Variants in NSF observed in about 807,000 individuals in gnomAD.
The protein encoded by NSF is N-ethylmaleimide sensitive factor, vesicle fusing ATPase.
Under a neutral mutation model 50.3 loss-of-function variants are expected in NSF, and 14 were observed. The ratio of observed to expected loss-of-function variants is 0.28; its 90% CI spans 0.18 to 0.44. The LOEUF (loss-of-function observed/expected upper bound fraction) is 0.44. NSF is among the 20% of genes least tolerant of loss of function. The pLI is 1.00. For missense variants in NSF, 218 were observed against 504.3 expected (o/e 0.43, Z 5.44); for synonymous variants, 109 against 175.7 (o/e 0.62, Z 3.00).
At chr17:46,681,587 C>T (rs1378251419) in intron 9 of NSF, among the ~76,000 whole-genome samples, 2 of 150,604 alleles carry the variant, frequency 1.3e-5, no homozygotes, top group Non-Finnish European at 2.9e-5. Context: ...GTAAGCTGTA[C>T]TGAATTAATC....
intron 1 of NSF, among the ~76,000 whole-genome samples, chr17:46,593,032 ACT>A (rs2057855739): frequency 2.1e-5 from 2 of 93,404 alleles, no homozygotes; most frequent in African/African-American, 8.3e-5. Flanking sequence ...AGGGCCAAAG[ACT>A]CTGGTTTGGG....
chr17:46,729,592 C>T (rs2146297958), intron 17 of NSF, among the ~76,000 whole-genome samples: 1 of 152,210 alleles, frequency 6.6e-6, no homozygotes, highest in East Asian at 1.9e-4. Flanking sequence ...TTGGCTGTGT[C>T]ACAAGACATG....
intron 1 of NSF, among the ~76,000 whole-genome samples, chr17:46,621,377 C>T (rs1476209546): frequency 7.5e-6 from 1 of 133,650 alleles, no homozygotes; most frequent in East Asian, 2.2e-4. Context: ...AGCTCCGCCT[C>T]CCGGGCTCAC....
chr17:46,631,105 C>CACACACAT (rs1491185367), intron 4 of NSF, among the ~76,000 whole-genome samples: 2 of 145,424 alleles, frequency 1.4e-5, no homozygotes, highest in Non-Finnish European at 3.0e-5. Context: ...CACACACACA[C>CACACACAT]ATCTTTTATC....
rs1349316520 is a variant in NSF at position 46,757,193 on chromosome 17, ATCT to A, written c.*1375_*1377del. On this transcript the variant is annotated 3_prime_UTR_variant, in exon 21 of 21. Transcript: ENST00000398238. Reference sequence around the variant, plus strand: ...CTTTTGGTGGAGACTTGGATGTCATATCTTCTTTGTTTTGGGTTTTCTTCCCTA... The same window carrying A: ...CTTTTGGTGGAGACTTGGATGTCATATCTTTGTTTTGGGTTTTCTTCCCTA... 6.6e-5 allele frequency: 10 copies of A among 152,178 alleles called. No homozygotes were observed. Among genetic ancestry groups the A allele is most frequent in the African/African-American group, 2.2e-4 (9 of 41,438 alleles). 9.4% of individuals were successfully genotyped at this position (152,178 alleles called of 1,614,324 possible).
chr17:46,717,883 C>T (rs556192068), intron 15 of NSF, among the ~76,000 whole-genome samples: 116 of 152,236 alleles, frequency 7.6e-4, no homozygotes, highest in South Asian at 3.9e-3. Context: ...ACTGGAGCAG[C>T]GTTCAGACCA....
rs1185341728 is a variant in NSF at position 46,749,800 on chromosome 17, A to G, written c.1936A>G (p.Thr646Ala). 1 of 1,614,104 alleles carries G rather than the reference A, an allele frequency of 6.2e-7. No homozygotes were observed. Among genetic ancestry groups the G allele is most frequent in the Non-Finnish European group, 8.5e-7 (1 of 1,179,952 alleles). The part of the protein sequence containing the change: ...QGRKLLIIGT[T>A]SRKDVLQEME... ...CCGCAAGCTTCTTATCATTGGGACC[A>G]CTAGCCGCAAAGATGTCCTTCAGGA... Residue 646 changes from threonine to alanine, a missense_variant, in exon 18 of 21, where the codon ACT becomes GCT. By Grantham distance (58) the Thr-to-Ala change is moderately conservative (BLOSUM62 0). Around this residue, in one of 2 missense-constraint regions of NSF, gnomAD observed 209 missense variants for 320.9 expected, o/e 0.65. Coordinates refer to ENST00000398238, the MANE Select transcript of NSF (RefSeq NM_006178.4).
At chr17:46,707,223 A>G (rs1168947713) in intron 13 of NSF, among the ~76,000 whole-genome samples, 10 of 152,282 alleles carry the variant, frequency 6.6e-5, no homozygotes, top group Non-Finnish European at 1.0e-4. Context: ...CATTTTAGTT[A>G]TTAGAGAACT....
intron 1 of NSF, among the ~76,000 whole-genome samples, chr17:46,621,213 T>C (rs1032899063): frequency 3.3e-5 from 5 of 150,030 alleles, no homozygotes; most frequent in Admixed American, 2.6e-4. Flanking sequence ...TCTGACTTAA[T>C]TGCAGCAATA....
At chr17:46,742,190 C>G (rs1052579348) in intron 17 of NSF, among the ~76,000 whole-genome samples, 3 of 152,214 alleles carry the variant, frequency 2.0e-5, no homozygotes, top group African/African-American at 7.2e-5. Context: ...TGGCACGAAG[C>G]ATACATGCCG....
intron 17 of NSF, 38 bp from the exon 18 acceptor site, chr17:46,749,732 CTTA>C (rs1295382316): frequency 1.3e-6 from 2 of 1,567,366 alleles, no homozygotes; most frequent in Non-Finnish European, 1.7e-6. Flanking sequence ...CCTAATTAGT[CTTA>C]TTATGTACAT....
At chr17:46,745,772 A>G (rs1025240233) in intron 17 of NSF, among the ~76,000 whole-genome samples, 4 of 152,232 alleles carry the variant, frequency 2.6e-5, no homozygotes, top group Non-Finnish European at 4.4e-5. Flanking sequence ...CTTTAGGGCT[A>G]TGTTCCCAAG....
At chr17:46,722,256 T>A in intron 15 of NSF, 1 of 1,077,956 alleles carries the variant, frequency 9.3e-7, no homozygotes, top group Non-Finnish European at 1.4e-6. Flanking sequence ...TTCTTAAGAT[T>A]AATTTTGGGG....
chr17:46,691,313 G>A (rs868418923), intron 9 of NSF, among the ~76,000 whole-genome samples: 1 of 80,722 alleles, frequency 1.2e-5, no homozygotes. Flanking sequence ...ACAAAGATTA[G>A]GCTGGGCATG....
In NSF at chr17:46,719,844, G is replaced by A. The variant is rs760157663; in HGVS notation, c.1761+5858G>A. On this transcript the variant is annotated intron_variant, in intron 15 of 20. Transcript: ENST00000398238. The surrounding 1 kb of genome is among the most constrained non-coding windows in gnomAD (Gnocchi z 4.3). ...AGAGATGAAGTAGAACAATCAGATA[G>A]AACTAAATTGTTTGAACAAAATTAA... Among the ~76,000 whole-genome samples the A allele has an allele frequency of 2.0e-5, 3 of 152,132 alleles. No homozygotes were observed. Among genetic ancestry groups the A allele is most frequent in the Admixed American group, 6.6e-5 (1 of 15,264 alleles).
chr17:46,748,075 T>C (rs1358249906), intron 17 of NSF, among the ~76,000 whole-genome samples: 5 of 152,212 alleles, frequency 3.3e-5, no homozygotes, highest in Non-Finnish European at 7.3e-5. Flanking sequence ...CCTTCAAAAT[T>C]GTGAGAAAAA....
At chr17:46,749,636 T>G (rs1437362675) in intron 17 of NSF, 137 bp from the exon 18 acceptor site, 5 of 752,104 alleles carry the variant, frequency 6.6e-6, no homozygotes, top group Non-Finnish European at 8.0e-6. Context: ...AATCCTGAAT[T>G]GTTTTCTTCT....
chr17:46,755,331 T>C lies in NSF; in HGVS notation c.2175T>C (p.Arg725=). 1 of 1,613,714 alleles carries C rather than the reference T, an allele frequency of 6.2e-7. No individual in the cohort carries two copies. Among genetic ancestry groups the C allele is most frequent in the Non-Finnish European group, 8.5e-7 (1 of 1,179,570 alleles). ...EMSLQMDPEY[R]VRKFLALLRE... ...GTATTTAGATGGATCCTGAATACCGTGTGAGAAAATTCTTGGCCCTCTTAA... is the reference window on the plus strand; with the variant it reads ...GTATTTAGATGGATCCTGAATACCGCGTGAGAAAATTCTTGGCCCTCTTAA... Residue 725 remains arginine, a synonymous_variant, in exon 20 of 21, where the codon CGT becomes CGC. Transcript: ENST00000398238.
chr17:46,745,243 T>C (rs2059116524), intron 17 of NSF, among the ~76,000 whole-genome samples: 1 of 152,230 alleles, frequency 6.6e-6, no homozygotes, highest in African/African-American at 2.4e-5. Context: ...TATTCGGAGC[T>C]GTTTTTCATG....
Sources: allele counts gnomAD v4.1 joint callset (sites outside exome capture counted in the v4.1 genomes callset), GRCh38; gene constraint gnomAD v4.1.1; regional missense constraint gnomAD v4.1.1; non-coding constraint Gnocchi (gnomAD v3.1); transcripts MANE v1.5; gene names NCBI Gene and HGNC (gene_info 2026-07-23, HGNC 2026-07-21).